The following TBC1D22A variants were observed in gnomAD, a reference collection of about 807,000 sequenced individuals.
The protein encoded by TBC1D22A is TBC1 domain family member 22A.
TBC1D22A carries 38 observed loss-of-function variants against 60.2 expected under a neutral mutation model. The observed-to-expected ratio is 0.63, with a 90% CI of 0.49 to 0.83. The LOEUF (loss-of-function observed/expected upper bound fraction) is 0.83. TBC1D22A is among the 40% of genes least tolerant of loss of function. TBC1D22A has a pLI of 0.00. For missense variants in TBC1D22A, 628 were observed against 701.0 expected (o/e 0.90, Z 1.18); for synonymous variants, 302 against 281.7 (o/e 1.07, Z -0.72).
At position 47,102,282 on chromosome 22, in the gene TBC1D22A, G is replaced by A. The variant is rs113853187; in HGVS notation, c.1330-9226G>A. ...GATGCCAGAAGTGGCCTTGCGCTAC[G>A]CACCTCCCTGTGAGTCAGCCAGTGC... On this transcript the variant is annotated intron_variant, in intron 11 of 12. Transcript: ENST00000337137. Among the ~76,000 whole-genome samples, 192 of 152,282 alleles carry A rather than the reference G, an allele frequency of 1.3e-3. 1 individual carries two copies. Among genetic ancestry groups the A allele is most frequent in the Admixed American group, 4.3e-3 (66 of 15,300 alleles).
At chr22:47,008,405 C>T (rs1008474682) in intron 10 of TBC1D22A, among the ~76,000 whole-genome samples, 2 of 152,280 alleles carry the variant, frequency 1.3e-5, no homozygotes, top group East Asian at 3.9e-4. Context: ...CACTTGCCAA[C>T]TCTCCCCAGG....
At chr22:46,784,311 C>T (rs2084068352) in intron 1 of TBC1D22A, among the ~76,000 whole-genome samples, 1 of 152,236 alleles carries the variant, frequency 6.6e-6, no homozygotes, top group South Asian at 2.1e-4. Context: ...AAGTGATCCG[C>T]CAGCCTCCCA....
intron 11 of TBC1D22A, among the ~76,000 whole-genome samples, chr22:47,049,512 T>C (rs193221117): frequency 1.3e-5 from 2 of 152,340 alleles, no homozygotes; most frequent in Admixed American, 1.3e-4. Context: ...TACATGCATA[T>C]TGCTGAAACT....
At chr22:46,925,816 A>T (rs2071016999) in intron 8 of TBC1D22A, among the ~76,000 whole-genome samples, 1 of 152,344 alleles carries the variant, frequency 6.6e-6, no homozygotes, top group Middle Eastern at 3.4e-3. Context: ...AACCAACTAG[A>T]TCTAGTAGAT....
chr22:47,102,335 A>C (rs951787836), intron 11 of TBC1D22A, among the ~76,000 whole-genome samples: 1 of 152,018 alleles, frequency 6.6e-6, no homozygotes, highest in Non-Finnish European at 1.5e-5. Flanking sequence ...GGGCTTCTCC[A>C]CGCCACAGCC....
chr22:47,005,559 A>G (rs563814058), intron 10 of TBC1D22A, among the ~76,000 whole-genome samples: 1 of 151,512 alleles, frequency 6.6e-6, no homozygotes, highest in African/African-American at 2.4e-5. Context: ...TCCTACACAC[A>G]TATGCATATA....
At chr22:47,005,017 C>A (rs1040568338) in intron 10 of TBC1D22A, among the ~76,000 whole-genome samples, 2 of 151,716 alleles carry the variant, frequency 1.3e-5, no homozygotes, top group Non-Finnish European at 2.9e-5. Flanking sequence ...ACACACATCC[C>A]TATACATATA....
At chr22:46,942,589 T>A (rs1206181934) in intron 8 of TBC1D22A, among the ~76,000 whole-genome samples, 1 of 152,196 alleles carries the variant, frequency 6.6e-6, no homozygotes, top group African/African-American at 2.4e-5. Context: ...TGCGAATCCC[T>A]TCTGAGTGTA....
At chr22:47,100,485 A>G (rs140350659) in intron 11 of TBC1D22A, among the ~76,000 whole-genome samples, 3 of 152,200 alleles carry the variant, frequency 2.0e-5, no homozygotes, top group African/African-American at 7.2e-5. Flanking sequence ...CTGTGTCCCC[A>G]CCCAAATCTC....
At chr22:46,924,908 C>T (rs1569228372) in intron 8 of TBC1D22A, among the ~76,000 whole-genome samples, 1 of 152,134 alleles carries the variant, frequency 6.6e-6, no homozygotes, top group Non-Finnish European at 1.5e-5. Context: ...GTGGGGATGG[C>T]AGGTAAAATC....
chr22:47,159,682 C>T (rs1180567408), intron 12 of TBC1D22A, among the ~76,000 whole-genome samples: 6 of 150,962 alleles, frequency 4.0e-5, no homozygotes, highest in East Asian at 2.0e-4. Context: ...CACATAGACA[C>T]GCCATGCACC....
intron 8 of TBC1D22A, among the ~76,000 whole-genome samples, chr22:46,964,739 G>C (rs558615026): frequency 6.6e-6 from 1 of 152,328 alleles, no homozygotes; most frequent in Non-Finnish European, 1.5e-5. Context: ...AGAGAGGGAG[G>C]AGTGTTTTGA....
chr22:46,807,799 C>T (rs570994367), intron 4 of TBC1D22A, among the ~76,000 whole-genome samples: 10 of 152,036 alleles, frequency 6.6e-5, no homozygotes, highest in Non-Finnish European at 1.2e-4. Context: ...ATGAAGAGTT[C>T]GGTTTTAGAA....
intron 8 of TBC1D22A, among the ~76,000 whole-genome samples, chr22:46,946,317 CA>C (rs2072537098): frequency 6.6e-6 from 1 of 152,234 alleles, no homozygotes; most frequent in African/African-American, 2.4e-5. Flanking sequence ...GGCCAGCACA[CA>C]CAGGCTTCTC....
At chr22:46,974,198 A>G in intron 8 of TBC1D22A, 92 bp from the exon 9 acceptor site, 1 of 1,018,234 alleles carries the variant, frequency 9.8e-7, no homozygotes, top group Non-Finnish European at 1.5e-6. Context: ...AGCTGGATGC[A>G]GGCTCAGCTC....
intron 12 of TBC1D22A, among the ~76,000 whole-genome samples, chr22:47,171,029 A>T (rs972158427): frequency 6.6e-6 from 1 of 152,152 alleles, no homozygotes; most frequent in African/African-American, 2.4e-5. Flanking sequence ...CACAGCCAGG[A>T]TGTGAGCCCA....
At chr22:46,957,337 G>A (rs926795564) in intron 8 of TBC1D22A, among the ~76,000 whole-genome samples, 3 of 152,262 alleles carry the variant, frequency 2.0e-5, no homozygotes. Context: ...CTGACTCACA[G>A]TTCTGCAGGC....
At chr22:46,774,680 C>G (rs1308078217) in intron 1 of TBC1D22A, among the ~76,000 whole-genome samples, 1 of 152,204 alleles carries the variant, frequency 6.6e-6, no homozygotes, top group Non-Finnish European at 1.5e-5. Flanking sequence ...CCCCGAGCTC[C>G]TAGGGGAACG....
chr22:46,974,515 C>T, intron 9 of TBC1D22A, 116 bp downstream of exon 9: 1 of 815,434 alleles, frequency 1.2e-6, no homozygotes, highest in Non-Finnish European at 2.0e-6. Flanking sequence ...CTCCTGAAGC[C>T]TCACTTTTCT....
Sources: allele counts gnomAD v4.1 joint callset (sites outside exome capture counted in the v4.1 genomes callset), GRCh38; gene constraint gnomAD v4.1.1; transcripts MANE v1.5; gene names NCBI Gene and HGNC (gene_info 2026-07-23, HGNC 2026-07-21).